PCDH15: variants seen among roughly 807,000 people sequenced by gnomAD.
PCDH15 encodes the protein protocadherin-15.
Under a neutral mutation model 178.5 loss-of-function variants are expected in PCDH15, and 129 were observed. That is an observed-to-expected ratio of 0.72 (90% CI 0.63 to 0.84). The LOEUF (loss-of-function observed/expected upper bound fraction) is 0.84. Among genes scored for constraint, PCDH15 ranks in the 40% least tolerant of loss-of-function variants. The pLI, the probability that PCDH15 is intolerant of heterozygous loss-of-function variation, is 0.00. For missense variants in PCDH15, 2,230 were observed against 2,099.9 expected (o/e 1.06, Z -1.21); for synonymous variants, 800 against 732.0 (o/e 1.09, Z -1.50).
intron 15 of PCDH15, among the ~76,000 whole-genome samples, chr10:54,105,171 A>G (rs1157003600): frequency 6.6e-6 from 1 of 150,716 alleles, no homozygotes; most frequent in Non-Finnish European, 1.5e-5. Context: ...CTTAATATTC[A>G]GTTCCTCTAG....
intron 2 of PCDH15, among the ~76,000 whole-genome samples, chr10:55,511,272 G>T (rs112397128): frequency 0.022 from 3,360 of 151,552 alleles, 59 homozygotes; most frequent in Non-Finnish European, 0.035. Context: ...ATCCTTTTTG[G>T]TAACAGATAC....
At chr10:54,046,737 A>G (rs2093663731) in intron 18 of PCDH15, among the ~76,000 whole-genome samples, 1 of 152,150 alleles carries the variant, frequency 6.6e-6, no homozygotes. Context: ...TTGGACTTAC[A>G]TTTATGTTTA....
chr10:55,111,606 G>A (rs1195377770), intron 2 of PCDH15, among the ~76,000 whole-genome samples: 2 of 152,074 alleles, frequency 1.3e-5, no homozygotes, highest in Non-Finnish European at 2.9e-5. Context: ...CAGTTTGGGA[G>A]GCCAAGGCAG....
rs187952362 is a variant in PCDH15, at chr10:54,510,814, G to A, written c.157+16998C>T. On this transcript the variant is annotated intron_variant, in intron 3 of 37. Coordinates refer to ENST00000644397, the MANE Select transcript of PCDH15 (RefSeq NM_001384140.1). Reference sequence around the variant, plus strand: ...ATGTATTTCAAAAAGATTAACCAAAGTTTCCCTTTTTTCCACGTCTCCTGC... The same window carrying A: ...ATGTATTTCAAAAAGATTAACCAAAATTTCCCTTTTTTCCACGTCTCCTGC... Among the ~76,000 whole-genome samples, 550 of 152,232 alleles carry A rather than the reference G, an allele frequency of 3.6e-3. 4 individuals carry two copies. The highest frequency in any genetic ancestry group is 0.013 in the African/African-American group (531 of 41,552).
intron 25 of PCDH15, among the ~76,000 whole-genome samples, chr10:53,907,545 A>C (rs1234415515): frequency 6.6e-6 from 1 of 151,938 alleles, no homozygotes; most frequent in African/African-American, 2.4e-5. Flanking sequence ...AGACATTATA[A>C]TTTTTCTGTG....
At chr10:55,142,806 G>A (rs1333812234) in intron 2 of PCDH15, among the ~76,000 whole-genome samples, 1 of 151,606 alleles carries the variant, frequency 6.6e-6, no homozygotes, top group Non-Finnish European at 1.5e-5. Context: ...TAGCTGTCAT[G>A]CAAAGTCTTT....
chr10:53,954,156 G>T (rs943799159), intron 23 of PCDH15, among the ~76,000 whole-genome samples: 4 of 152,156 alleles, frequency 2.6e-5, no homozygotes, highest in Non-Finnish European at 4.4e-5. Context: ...GGAAGAAGGG[G>T]CTGGTTTTTT....
At chr10:54,941,841 A>G (rs1838071226) in intron 2 of PCDH15, among the ~76,000 whole-genome samples, 1 of 151,994 alleles carries the variant, frequency 6.6e-6, no homozygotes, top group South Asian at 2.1e-4. Context: ...ACAATCTAAT[A>G]TTGATCTTCA....
At chr10:53,929,784 T>C (rs1020128500) in intron 25 of PCDH15, among the ~76,000 whole-genome samples, 2 of 152,192 alleles carry the variant, frequency 1.3e-5, no homozygotes, top group African/African-American at 4.8e-5. Context: ...TTATTCCTGA[T>C]TGAAAGTCTA....
In PCDH15 at chr10:54,361,268, G is replaced by A. The variant is rs1946000382; in HGVS notation, c.474+7852C>T. 2.0e-5 allele frequency among the ~76,000 whole-genome samples: 3 copies of A among 151,956 alleles called. No homozygotes were observed. In the South Asian group the frequency reaches 6.2e-4, roughly 31 times the overall value. The stretch of plus-strand genomic sequence containing the variant: ...AAGTGGACCCTCACAGTTAAAATTC[G>A]TGTTGTCCAAGGGTCAACTGTAAAG... On this transcript the variant is annotated intron_variant, in intron 5 of 37. Coordinates refer to ENST00000644397, the MANE Select transcript of PCDH15 (RefSeq NM_001384140.1).
chr10:54,192,154 A>AAGAAAGAAAAAG (rs1554832302), intron 11 of PCDH15, among the ~76,000 whole-genome samples: 26 of 132,668 alleles, frequency 2.0e-4, no homozygotes, highest in South Asian at 9.7e-4. Flanking sequence ...GAAAGAAAGA[A>AAGAAAGAAAAAG]AAAGAAAGAA....
chr10:55,207,349 T>C (rs1240756928), intron 1 of PCDH15, among the ~76,000 whole-genome samples: 3 of 151,878 alleles, frequency 2.0e-5, no homozygotes, highest in African/African-American at 4.8e-5. Flanking sequence ...ACCTCAAGAG[T>C]ATTCCCTAAA....
chr10:54,840,692 C>T (rs1309932913), intron 3 of PCDH15, among the ~76,000 whole-genome samples: 1 of 151,590 alleles, frequency 6.6e-6, no homozygotes, highest in Admixed American at 6.6e-5. Context: ...AACAGACTCA[C>T]CTTGACTTTA....
chr10:55,262,341 A>AG (rs11387686), intron 1 of PCDH15, among the ~76,000 whole-genome samples: 93,263 of 151,920 alleles, frequency 0.61, 28,971 homozygotes, highest in East Asian at 0.9. Context: ...CCATGGATCT[A>AG]GTGACGACAG....
chr10:54,635,926 T>A (rs2093840979), intron 2 of PCDH15, among the ~76,000 whole-genome samples: 2 of 151,746 alleles, frequency 1.3e-5, no homozygotes, highest in Non-Finnish European at 2.9e-5. Context: ...CTGTCATGTG[T>A]CTGCAAAGAA....
At chr10:54,251,081 T>A (rs2056433151) in intron 8 of PCDH15, among the ~76,000 whole-genome samples, 1 of 152,220 alleles carries the variant, frequency 6.6e-6, no homozygotes, top group Non-Finnish European at 1.5e-5. Context: ...TCCTTGTATA[T>A]ATGAGAATGA....
At chr10:55,365,727 C>T (rs945249223) in intron 2 of PCDH15, among the ~76,000 whole-genome samples, 1 of 152,048 alleles carries the variant, frequency 6.6e-6, no homozygotes, top group African/African-American at 2.4e-5. Flanking sequence ...CTGAGACATG[C>T]CTTTCACCTT....
intron 2 of PCDH15, among the ~76,000 whole-genome samples, chr10:54,649,134 T>G (rs1450113940): frequency 6.6e-6 from 1 of 152,142 alleles, no homozygotes; most frequent in East Asian, 1.9e-4. Context: ...AGCCACTGCA[T>G]TATGATCCAC....
intron 1 of PCDH15, among the ~76,000 whole-genome samples, chr10:54,765,171 A>G (rs1394778041): frequency 6.6e-6 from 1 of 152,164 alleles, no homozygotes; most frequent in African/African-American, 2.4e-5. Flanking sequence ...AATTTCACAT[A>G]GGCCACGTGC....
Sources: allele counts gnomAD v4.1 joint callset (sites outside exome capture counted in the v4.1 genomes callset), GRCh38; gene constraint gnomAD v4.1.1; transcripts MANE v1.5; gene names NCBI Gene and HGNC (gene_info 2026-07-23, HGNC 2026-07-21).